The following ANO7 variants were observed in gnomAD, a reference collection of about 807,000 sequenced individuals.
ANO7 encodes the protein anoctamin-7.
ANO7 carries 114 observed loss-of-function variants against 115.8 expected under a neutral mutation model. The ratio of observed to expected loss-of-function variants is 0.98; its 90% CI spans 0.85 to 1.15. The LOEUF (loss-of-function observed/expected upper bound fraction) is 1.15. Ranked by LOEUF, ANO7 falls within the 50% of genes most tolerant of loss-of-function variation. The pLI, the probability that ANO7 is intolerant of heterozygous loss-of-function variation, is 0.00. For synonymous variants in ANO7, 550 were observed against 498.2 expected, an observed-to-expected ratio of 1.10 and a Z score of -1.38; for missense variants, 1,302 against 1,201.2, an observed-to-expected ratio of 1.08 and a Z score of -1.24.
intron 10 of ANO7, among the ~76,000 whole-genome samples, chr2:241,206,241 G>GAC (rs1295889495): frequency 7.5e-4 from 12 of 16,008 alleles, no homozygotes; most frequent in Admixed American, 2.9e-3. Context: ...CTCCCAGGCT[G>GAC]ACAGGTGGAC....
Position 241,198,877 on chromosome 2 carries a change from C to T in ANO7, c.310-439C>T, listed in dbSNP as rs191437159. On this transcript the variant is annotated intron_variant, in intron 4 of 24. Transcript: ENST00000674324. ...ACCTATATGTACACACACATACACACGGAAACATGTCCGTGCACAGCATGC... is the reference window on the plus strand; with the variant it reads ...ACCTATATGTACACACACATACACATGGAAACATGTCCGTGCACAGCATGC... 6.4e-4 allele frequency among the ~76,000 whole-genome samples: 97 copies of T among 152,324 alleles called. 1 individual carries two copies. The highest frequency in any genetic ancestry group is 2.1e-3 in the African/African-American group (86 of 41,566).
At chr2:241,237,765 T>G in the ANO7 span, among the ~76,000 whole-genome samples, 1 of 152,220 alleles carries the variant, frequency 6.6e-6, no homozygotes, top group African/African-American at 2.4e-5. Flanking sequence ...AAGAAACTGG[T>G]GCCACAGGAT....
chr2:241,238,891 C>A, the ANO7 span: 1 of 892,384 alleles, frequency 1.1e-6, no homozygotes, highest in South Asian at 2.7e-5. This position sits in a 1 kb window ranked among gnomAD's most constrained non-coding sequence, Gnocchi z 4.9. Context: ...TCCTCTACAG[C>A]CACTTGGCAC....
At position 241,224,544 on chromosome 2, in the gene ANO7, A is replaced by C. The variant is rs2069112106; in HGVS notation, c.*391A>C. ...TCGCCCTCTCCTCTTACACCTGGTG[A>C]CCTTCGAATGTTTCAGAGCGCAGGG... is the stretch of plus-strand genomic sequence containing the variant. On this transcript the variant is annotated 3_prime_UTR_variant, in exon 25 of 25. Coordinates refer to ENST00000674324, the MANE Select transcript of ANO7 (RefSeq NM_001370694.2). The C allele has an allele frequency of 4.2e-6, 1 of 235,984 alleles. No individual in the cohort carries two copies. Among genetic ancestry groups the C allele is most frequent in the African/African-American group, 2.3e-5 (1 of 43,950 alleles). The allele number at this position is 235,984 out of a possible 1,614,324, so 14.6% of individuals were successfully genotyped here. A position where few individuals can be genotyped will look rare whatever the true frequency, so the allele number is the denominator to read the frequency against.
intron 15 of ANO7, among the ~76,000 whole-genome samples, chr2:241,211,139 C>A (rs557090368): frequency 4.7e-4 from 71 of 152,260 alleles, no homozygotes; most frequent in South Asian, 1.0e-3. Flanking sequence ...AGATAAAAGA[C>A]CCTGGGGGCA....
chr2:241,238,116 C>T, the ANO7 span, among the ~76,000 whole-genome samples: 1 of 152,220 alleles, frequency 6.6e-6, no homozygotes, highest in African/African-American at 2.4e-5. This position sits in a 1 kb window ranked among gnomAD's most constrained non-coding sequence, Gnocchi z 4.9. Context: ...GAGAGGCAAC[C>T]GACCCGCATC....
Position 241,203,600 on chromosome 2 carries a change from G to C in ANO7, c.889+102G>C, listed in dbSNP as rs2068523052. 1.1e-6 allele frequency: 1 copy of C among 895,932 alleles called. No individual in the cohort carries two copies. The highest frequency in any genetic ancestry group is 3.2e-5 in the East Asian group (1 of 31,144). 55.5% of individuals were successfully genotyped at this position (895,932 alleles called of 1,614,324 possible). On this transcript the variant is annotated intron_variant, in intron 9 of 24. Coordinates refer to ENST00000674324, the MANE Select transcript of ANO7 (RefSeq NM_001370694.2). This position sits in a 1 kb window ranked among gnomAD's most constrained non-coding sequence, Gnocchi z 4.8. ...GTACCCCTGGAGGGCAGCGTGCGTG[G>C]GGGCCTGGACGGTGGGCGCAGCTCT... is the stretch of plus-strand genomic sequence containing the variant.
At chr2:241,192,606 G>A (rs2068232583) in intron 3 of ANO7, among the ~76,000 whole-genome samples, 1 of 152,178 alleles carries the variant, frequency 6.6e-6, no homozygotes, top group South Asian at 2.1e-4. Context: ...TGAGGACTGT[G>A]GGGTGGGGCT....
At chr2:241,196,019 C>T in intron 4 of ANO7, 174 bp downstream of exon 4, 1 of 1,480,878 alleles carries the variant, frequency 6.8e-7, no homozygotes, top group Non-Finnish European at 8.9e-7. Context: ...TAGGGAGCTG[C>T]TGTCCAGAGG....
At chr2:241,223,849 A>G (rs1267278333) in intron 23 of ANO7, 56 bp from the exon 24 acceptor site, 17 of 1,612,416 alleles carry the variant, frequency 1.1e-5, no homozygotes, top group Non-Finnish European at 1.3e-5. Context: ...TGGCTGCTCT[A>G]CCTCCGGACA....
At chr2:241,233,086 T>C in the ANO7 span, among the ~76,000 whole-genome samples, 15 of 152,130 alleles carry the variant, frequency 9.9e-5, no homozygotes, top group Non-Finnish European at 1.2e-4. The surrounding 1 kb of genome is among the most constrained non-coding windows in gnomAD (Gnocchi z 4.3). Flanking sequence ...GTTTGCTGTT[T>C]CTGGAAACCA....
chr2:241,204,863 A>G lies in ANO7; in HGVS notation c.890-2A>G. On this transcript the variant is annotated splice_acceptor_variant, in intron 9 of 24. Coordinates refer to ENST00000674324, the MANE Select transcript of ANO7 (RefSeq NM_001370694.2). LOFTEE classifies it high-confidence loss of function. ...GGTGGACCCCTGCCATCCTCTCTAC[A>G]GGGTTTTACACAGGCTGGCTCCTGC... 6.2e-7 allele frequency: 1 copy of G among 1,613,294 alleles called. No individual in the cohort carries two copies. Among genetic ancestry groups the G allele is most frequent in the Non-Finnish European group, 8.5e-7 (1 of 1,179,544 alleles).
chr2:241,197,599 G>A (rs1197716925), intron 4 of ANO7, among the ~76,000 whole-genome samples: 1 of 151,214 alleles, frequency 6.6e-6, no homozygotes, highest in African/African-American at 2.4e-5. Flanking sequence ...GGCTGGTTTG[G>A]AACTCCTGGG....
intron 4 of ANO7, 198 bp from the exon 5 acceptor site, chr2:241,199,118 G>C (rs894082951): frequency 1.8e-6 from 1 of 561,522 alleles, no homozygotes; most frequent in Non-Finnish European, 3.2e-6. Flanking sequence ...ACTCCCAAAC[G>C]GGGCTGTCGA....
At chr2:241,218,604 C>G (rs114440398) in intron 21 of ANO7, among the ~76,000 whole-genome samples, 1,959 of 152,308 alleles carry the variant, frequency 0.013, 37 homozygotes, top group African/African-American at 0.04. Flanking sequence ...ATCGTGGATT[C>G]TAGGTGAATT....
At position 241,217,870 on chromosome 2, in the gene ANO7, G is replaced by A; in HGVS notation, c.2157G>A (p.Thr719=). 6.3e-7 allele frequency: 1 copy of A among 1,592,138 alleles called. No individual in the cohort carries two copies. The highest frequency in any genetic ancestry group is 8.5e-7 in the Non-Finnish European group (1 of 1,173,424). The change falls in exon 20 of 25, where the codon ACG becomes ACA. Residue 719 remains threonine (T), a synonymous_variant. Transcript: ENST00000674324. ...GIWFHILAGL[T]HLAVISNAFL... is the part of the protein sequence containing the mutation. The stretch of plus-strand genomic sequence containing the variant: ...GGTTCCACATCCTGGCGGGCCTCAC[G>A]CACCTGGCGGTCATCAGCAACGTGA...
downstream of ANO7, chr2:241,229,890 T>C (rs1574821968): frequency 6.3e-7 from 1 of 1,590,954 alleles, no homozygotes; most frequent in Non-Finnish European, 8.6e-7. Flanking sequence ...CTCTGGAAGG[T>C]GCCTTGGCCT....
At chr2:241,195,613 C>T in intron 3 of ANO7, 90 bp from the exon 4 acceptor site, 1 of 1,332,074 alleles carries the variant, frequency 7.5e-7, no homozygotes, top group African/African-American at 1.4e-5. Context: ...TGGCTCCCCA[C>T]TGCGTCCCGG....
chr2:241,235,904 G>A, the ANO7 span, among the ~76,000 whole-genome samples: 6 of 152,116 alleles, frequency 3.9e-5, no homozygotes, highest in African/African-American at 1.2e-4. Flanking sequence ...GGGTCATGAC[G>A]GCTTTGACCG....
Sources: allele counts gnomAD v4.1 joint callset (sites outside exome capture counted in the v4.1 genomes callset), GRCh38; gene constraint gnomAD v4.1.1; non-coding constraint Gnocchi (gnomAD v3.1); transcripts MANE v1.5; gene names NCBI Gene and HGNC (gene_info 2026-07-23, HGNC 2026-07-21).